MAP3K5: variants seen among roughly 807,000 people sequenced by gnomAD.
MAP3K5 encodes the protein ASK-1.
A neutral mutation model predicts 158.7 loss-of-function variants in MAP3K5; 56 were observed. The ratio of observed to expected loss-of-function variants is 0.35; its 90% CI spans 0.28 to 0.44. MAP3K5 has a LOEUF of 0.44. Ranked by LOEUF, MAP3K5 falls within the 20% of genes least tolerant of loss-of-function variation. MAP3K5 has a pLI of 1.00. For missense variants in MAP3K5, 1,294 were observed against 1,674.8 expected, an observed-to-expected ratio of 0.77 and a Z score of 3.97; for synonymous variants, 579 against 601.7, an observed-to-expected ratio of 0.96 and a Z score of 0.55.
At chr6:136,601,716 G>T in intron 20 of MAP3K5, 86 bp downstream of exon 20, 2 of 1,171,804 alleles carry the variant, frequency 1.7e-6, no homozygotes, top group South Asian at 1.5e-5. Context: ...CTGTAAACAG[G>T]TTAGTTTACT....
intron 8 of MAP3K5, among the ~76,000 whole-genome samples, chr6:136,668,717 A>G (rs1363803336): frequency 6.6e-6 from 1 of 152,192 alleles, no homozygotes; most frequent in Non-Finnish European, 1.5e-5. Flanking sequence ...TAATGTCTAC[A>G]GATAAAAGGG....
intron 7 of MAP3K5, among the ~76,000 whole-genome samples, chr6:136,671,407 G>T (rs762555891): frequency 2.0e-4 from 30 of 152,236 alleles, no homozygotes; most frequent in Admixed American, 5.9e-4. Context: ...CTCAATCCAT[G>T]AGACTAAATT....
rs763037462 is a variant in MAP3K5, at chr6:136,622,844, G to T, written c.2150+4C>A. ...ACAGCTTTTAGTAGCTACAATTACT[G>T]TACCTGCTGTCTCTCTCTGGGATTT... On this transcript the variant is annotated splice_donor_region_variant and intron_variant, in intron 15 of 29. Coordinates refer to ENST00000359015, the MANE Select transcript of MAP3K5 (RefSeq NM_005923.4). 1.3e-6 allele frequency: 2 copies of T among 1,599,080 alleles called. No homozygotes were observed. The highest frequency in any genetic ancestry group is 2.7e-5 in the African/African-American group (2 of 74,320).
chr6:136,563,703 T>A (rs998271024), intron 26 of MAP3K5, among the ~76,000 whole-genome samples: 3 of 152,200 alleles, frequency 2.0e-5, no homozygotes, highest in Admixed American at 6.5e-5. Context: ...CCATTTCCAA[T>A]AGAATTTCTC....
intron 10 of MAP3K5, among the ~76,000 whole-genome samples, chr6:136,654,012 CCA>C (rs1304864220): frequency 1.3e-5 from 2 of 152,082 alleles, no homozygotes; most frequent in Admixed American, 6.5e-5. Context: ...CCCAAATAAG[CCA>C]CAAAGTTTCA....
intron 1 of MAP3K5, among the ~76,000 whole-genome samples, chr6:136,789,506 G>C (rs942769126): frequency 6.6e-6 from 1 of 151,850 alleles, no homozygotes; most frequent in Non-Finnish European, 1.5e-5. Context: ...AGTGGGCGCA[G>C]GAAAAAGAGG....
At chr6:136,639,090 G>A (rs1457177592) in intron 13 of MAP3K5, among the ~76,000 whole-genome samples, 2 of 151,972 alleles carry the variant, frequency 1.3e-5, no homozygotes, top group Admixed American at 6.6e-5. Context: ...CCACCAGAAC[G>A]TCCAATATAA....
intron 21 of MAP3K5, among the ~76,000 whole-genome samples, chr6:136,593,516 A>G (rs1445967193): frequency 6.6e-6 from 1 of 152,120 alleles, no homozygotes; most frequent in African/African-American, 2.4e-5. Flanking sequence ...AGGCTGGGAA[A>G]CCCCAGAAGG....
At chr6:136,622,718 C>T (rs1776862593) in intron 15 of MAP3K5, 130 bp downstream of exon 15, 3 of 993,434 alleles carry the variant, frequency 3.0e-6, no homozygotes, top group Non-Finnish European at 4.5e-6. Context: ...AGCGAAACCT[C>T]AGAAGGAGCT....
chr6:136,651,906 A>G (rs1778536620), intron 10 of MAP3K5, among the ~76,000 whole-genome samples: 1 of 152,160 alleles, frequency 6.6e-6, no homozygotes, highest in Non-Finnish European at 1.5e-5. Context: ...ATCTACTTGT[A>G]TAGATGCTTA....
chr6:136,695,186 G>A (rs1780550048), intron 6 of MAP3K5, among the ~76,000 whole-genome samples: 1 of 152,146 alleles, frequency 6.6e-6, no homozygotes, highest in Admixed American at 6.5e-5. Context: ...TGCCCAGGCT[G>A]GAGGGCAGTG....
intron 23 of MAP3K5, among the ~76,000 whole-genome samples, chr6:136,585,279 A>G (rs1375421173): frequency 6.7e-6 from 1 of 150,358 alleles, no homozygotes; most frequent in Non-Finnish European, 1.5e-5. Flanking sequence ...ACACCCAGAT[A>G]ATTTTTTTTA....
chr6:136,564,951 G>A (rs139088827), intron 26 of MAP3K5, among the ~76,000 whole-genome samples: 1 of 152,152 alleles, frequency 6.6e-6, no homozygotes, highest in Non-Finnish European at 1.5e-5. Flanking sequence ...ATTTCTGTAC[G>A]TCACTTTACT....
intron 8 of MAP3K5, among the ~76,000 whole-genome samples, chr6:136,661,569 T>G (rs982370102): frequency 8.6e-5 from 13 of 150,666 alleles, no homozygotes; most frequent in South Asian, 4.2e-4. Context: ...CTAAATTTTG[T>G]TTTTTTTTCC....
chr6:136,593,226 C>G (rs1364304112), intron 21 of MAP3K5, among the ~76,000 whole-genome samples: 1 of 152,204 alleles, frequency 6.6e-6, no homozygotes, highest in Non-Finnish European at 1.5e-5. Context: ...TCTCTTAGGT[C>G]TGTCCTGGTT....
Position 136,622,973 on chromosome 6 carries a change from A to G in MAP3K5, c.2025T>C (p.Tyr675=). The change falls in exon 15 of 30, where the codon TAT becomes TAC. Residue 675 remains tyrosine, a synonymous_variant. Transcript: ENST00000359015. ...DCESDLLEYD[Y]EYDENGDRVV... ...CTCTGTCACCATTTTCATCATATTC[A>G]TAGTCATACTACAAAAGGAAAAACG... 1 of 1,613,888 alleles carries G rather than the reference A, an allele frequency of 6.2e-7. No homozygotes were observed. The highest frequency in any genetic ancestry group is 1.3e-5 in the African/African-American group (1 of 75,048).
chr6:136,724,622 C>T (rs1305564371), intron 1 of MAP3K5, among the ~76,000 whole-genome samples: 2 of 152,048 alleles, frequency 1.3e-5, no homozygotes, highest in Non-Finnish European at 2.9e-5. Context: ...AGGAACAGAT[C>T]CATTTCTGGA....
chr6:136,756,446 C>CTTTTTTTTTTTTTTTTTTTTTT (rs1783490666), intron 1 of MAP3K5, among the ~76,000 whole-genome samples: 1 of 152,072 alleles, frequency 6.6e-6, no homozygotes, highest in Non-Finnish European at 1.5e-5. Context: ...AGGGTATTGC[C>CTTTTTTTTTTTTTTTTTTTTTT]TTTTTGTTGC....
rs576962709 is a variant in MAP3K5, at chr6:136,731,812, A to G, written c.449-11223T>C. 7.9e-5 allele frequency among the ~76,000 whole-genome samples: 12 copies of G among 152,364 alleles called. No individual in the cohort carries two copies. In the South Asian group the frequency reaches 1.5e-3, roughly 18 times the overall value. On this transcript the variant is annotated intron_variant, in intron 1 of 29. Coordinates refer to ENST00000359015, the MANE Select transcript of MAP3K5 (RefSeq NM_005923.4). ...TCTCCAAAGACTGGCAAAGAACAAA[A>G]GGTGATAAACGTTTTCCAAGGTCCA...
Sources: gnomAD v4.1 joint callset for allele counts (sites outside exome capture counted in the v4.1 genomes callset) on GRCh38, gnomAD v4.1.1 for gene constraint, MANE v1.5 for transcripts, NCBI Gene and HGNC (gene_info 2026-07-23, HGNC 2026-07-21) for gene names.